Variants in FMNL3 observed in about 807,000 individuals in gnomAD.
The protein encoded by FMNL3 is formin-like protein 3.
Under a neutral mutation model 119.6 loss-of-function variants are expected in FMNL3, and 57 were observed. The ratio of observed to expected loss-of-function variants is 0.48; its 90% CI spans 0.39 to 0.59. The LOEUF is 0.59. FMNL3 is among the 20% of genes least tolerant of loss of function. The pLI, the probability that FMNL3 is intolerant of heterozygous loss-of-function variation, is 0.00. For synonymous variants in FMNL3, 491 were observed against 507.3 expected (o/e 0.97, Z 0.43); for missense variants, 1,053 against 1,323.5 (o/e 0.80, Z 3.17).
Position 49,637,833 on chromosome 12 carries a change from G to A in FMNL3, c.*7982C>T. ...TTAAGGACATCCTTAAGGTGAGGGAGGCTGGGGTTATGGATGGATACAGGA... is the reference window on the plus strand; with the variant it reads ...TTAAGGACATCCTTAAGGTGAGGGAAGCTGGGGTTATGGATGGATACAGGA... On this transcript the variant is annotated 3_prime_UTR_variant, in exon 26 of 26. Coordinates refer to ENST00000335154, the MANE Select transcript of FMNL3 (RefSeq NM_175736.5). The A allele has an allele frequency of 6.3e-7, 1 of 1,594,576 alleles. No homozygotes were observed. Among genetic ancestry groups the A allele is most frequent in the Non-Finnish European group, 8.6e-7 (1 of 1,162,918 alleles).
intron 1 of FMNL3, among the ~76,000 whole-genome samples, chr12:49,699,330 G>A (rs1042580920): frequency 1.3e-5 from 2 of 152,216 alleles, no homozygotes; most frequent in African/African-American, 4.8e-5. Flanking sequence ...TCAGGGGCAG[G>A]GGAGGATCTG....
intron 10 of FMNL3, 43 bp from the exon 11 acceptor site, chr12:49,654,345 G>A: frequency 1.3e-6 from 2 of 1,555,360 alleles, no homozygotes; most frequent in African/African-American, 1.4e-5. Flanking sequence ...AGGAAGGGCA[G>A]AGGAAAGGCA....
chr12:49,693,635 GGTTTTTT>G (rs1214338894), intron 1 of FMNL3, among the ~76,000 whole-genome samples: 358 of 21,236 alleles, frequency 0.017, 22 homozygotes, highest in Non-Finnish European at 0.023. Context: ...TCCCAATCTT[GGTTTTTT>G]TTTTTTTTTT....
chr12:49,663,000 A>G (rs1481879699), intron 4 of FMNL3, among the ~76,000 whole-genome samples: 2 of 152,204 alleles, frequency 1.3e-5, no homozygotes, highest in African/African-American at 4.8e-5. Flanking sequence ...TCTCCCCAAC[A>G]GCTGGAAAAC....
rs540433329 is a variant in FMNL3 at position 49,637,383 on chromosome 12, T to C, written c.*8432A>G. 316 of 874,528 alleles carry C rather than the reference T, an allele frequency of 3.6e-4. No individual in the cohort carries two copies. The highest frequency in any genetic ancestry group is 2.0e-3 in the Middle Eastern group (9 of 4,592). 54.2% of individuals were successfully genotyped at this position (874,528 alleles called of 1,614,324 possible). On this transcript the variant is annotated 3_prime_UTR_variant, in exon 26 of 26. Transcript: ENST00000335154. ...CCTCAATCTTGATTGTCCCTGCCTC[T>C]TCCTCTGCCATTCCCTCTCTTCCCC...
At chr12:49,661,483 C>T (rs1943732352) in intron 5 of FMNL3, among the ~76,000 whole-genome samples, 1 of 152,230 alleles carries the variant, frequency 6.6e-6, no homozygotes, top group African/African-American at 2.4e-5. Context: ...AAAAAGACTC[C>T]TGAATACTTC....
rs770322585 is a variant in FMNL3, at chr12:49,649,472, C to G, written c.2302G>C (p.Glu768Gln). ...CCCTGTTCACAACCTCTTCCCACCT[C>G]CAACATCTGCTTCAGCTTCTGTGAA... ...KSSQKLKQML[E>Q]IILALGNYMN... Residue 768 changes from glutamate to glutamine, a missense_variant and splice_region_variant, in exon 19 of 26, where the codon GAG (glutamate) becomes CAG (glutamine). Around this residue, in one of 4 missense-constraint regions of FMNL3, gnomAD observed 324 missense variants for 380.9 expected, o/e 0.85. Transcript: ENST00000335154. This position sits in a 1 kb window ranked among gnomAD's most constrained non-coding sequence, Gnocchi z 5.6. The G allele has an allele frequency of 1.9e-6, 3 of 1,614,054 alleles. No homozygotes were observed. The highest frequency in any genetic ancestry group is 2.5e-6 in the Non-Finnish European group (3 of 1,180,046).
chr12:49,706,171 G>A lies in FMNL3; in HGVS notation c.126+884C>T, dbSNP rs376203728. ...ACATATTTTCTGGCTCCTTCCCGGTGATACCAGCTCAGAACCTCTCGCTTC... is the reference window on the plus strand; with the variant it reads ...ACATATTTTCTGGCTCCTTCCCGGTAATACCAGCTCAGAACCTCTCGCTTC... On this transcript the variant is annotated intron_variant, in intron 1 of 25. Coordinates refer to ENST00000335154, the MANE Select transcript of FMNL3 (RefSeq NM_175736.5). Among the ~76,000 whole-genome samples, 10 of 152,302 alleles carry A rather than the reference G, an allele frequency of 6.6e-5. 1 individual carries two copies. In the East Asian group the frequency reaches 1.7e-3, roughly 26 times the overall value.
chr12:49,648,128 G>C, intron 22 of FMNL3, 65 bp downstream of exon 22: 3 of 1,517,064 alleles, frequency 2.0e-6, no homozygotes, highest in Non-Finnish European at 2.6e-6. Flanking sequence ...AATAGAACTA[G>C]GGCCACCTAG....
rs1943227802 is a variant in FMNL3 at position 49,647,135 on chromosome 12, C to T, written c.2872-126G>A. The T allele has an allele frequency of 6.4e-7, 1 of 1,558,124 alleles. No homozygotes were observed. Among genetic ancestry groups the T allele is most frequent in the South Asian group, 1.2e-5 (1 of 85,688 alleles). On this transcript the variant is annotated intron_variant, in intron 24 of 25. Transcript: ENST00000335154. The surrounding 1 kb of genome is among the most constrained non-coding windows in gnomAD (Gnocchi z 4.9). ...TGCTAGGAATCCCCAAAGGCCCTCC[C>T]TCCATCCCTCTGGATGCCAGCCCAC...
chr12:49,649,168 G>C lies in FMNL3; in HGVS notation c.2386-10C>G, dbSNP rs781150840. ...ACTTGGTATCCAGCAGCTAGGAGAG[G>C]GGGTGAGGGCGGTGCACAAGAGCTA... On this transcript the variant is annotated splice_polypyrimidine_tract_variant and intron_variant, in intron 20 of 25. Transcript: ENST00000335154. This position sits in a 1 kb window ranked among gnomAD's most constrained non-coding sequence, Gnocchi z 5.6. The C allele has an allele frequency of 1.2e-5, 19 of 1,612,422 alleles. No individual in the cohort carries two copies. Among genetic ancestry groups the C allele is most frequent in the Admixed American group, 3.3e-5 (2 of 59,886 alleles).
intron 4 of FMNL3, 84 bp from the exon 5 acceptor site, chr12:49,662,133 C>G: frequency 8.0e-7 from 1 of 1,246,694 alleles, no homozygotes; most frequent in Non-Finnish European, 1.2e-6. Context: ...GACCCAACAC[C>G]TCCTCCTCCT....
At chr12:49,688,450 C>CTA (rs1944523058) in intron 1 of FMNL3, 1 of 455,984 alleles carries the variant, frequency 2.2e-6, no homozygotes, top group Admixed American at 2.3e-5. Flanking sequence ...CTCACCTTTC[C>CTA]TATACCTTCT....
At chr12:49,677,388 C>T (rs1261422256) in intron 1 of FMNL3, among the ~76,000 whole-genome samples, 1 of 152,178 alleles carries the variant, frequency 6.6e-6, no homozygotes, top group Non-Finnish European at 1.5e-5. Context: ...ATCCTAGCTC[C>T]ACCACTTACT....
intron 4 of FMNL3, among the ~76,000 whole-genome samples, chr12:49,663,488 C>G (rs1172463182): frequency 6.6e-6 from 1 of 152,208 alleles, no homozygotes; most frequent in African/African-American, 2.4e-5. Context: ...CCTGAAGCAC[C>G]CACAATCTGA....
intron 1 of FMNL3, among the ~76,000 whole-genome samples, chr12:49,706,591 C>T (rs1005948366): frequency 2.6e-5 from 4 of 152,250 alleles, no homozygotes; most frequent in South Asian, 2.1e-4. Flanking sequence ...GGAGTGGGAC[C>T]CACTCCCTGG....
At chr12:49,679,347 C>G (rs1229666752) in intron 1 of FMNL3, among the ~76,000 whole-genome samples, 1 of 152,022 alleles carries the variant, frequency 6.6e-6, no homozygotes, top group African/African-American at 2.4e-5. Flanking sequence ...TTGCACCTTT[C>G]CAAATTGTAT....
At chr12:49,691,960 G>A (rs796131150) in intron 1 of FMNL3, among the ~76,000 whole-genome samples, 9 of 150,306 alleles carry the variant, frequency 6.0e-5, no homozygotes, top group African/African-American at 9.8e-5. Flanking sequence ...GTTTGAACCC[G>A]GGAGGTGGAG....
intron 1 of FMNL3, among the ~76,000 whole-genome samples, chr12:49,680,721 T>C (rs567659595): frequency 3.9e-5 from 6 of 152,354 alleles, no homozygotes; most frequent in Admixed American, 3.9e-4. Context: ...GTCCTAAGTG[T>C]TATATTCACT....
Sources: gnomAD v4.1 joint callset for allele counts (sites outside exome capture counted in the v4.1 genomes callset) on GRCh38, gnomAD v4.1.1 for gene constraint, gnomAD v4.1.1 regional missense constraint, Gnocchi (gnomAD v3.1) non-coding constraint, MANE v1.5 for transcripts, NCBI Gene and HGNC (gene_info 2026-07-23, HGNC 2026-07-21) for gene names.